The following ZNF587B variants were observed in gnomAD, a reference collection of about 807,000 sequenced individuals.
ZNF587B encodes zinc finger protein 587B.
In ZNF587B, 6 loss-of-function variants were observed where a neutral mutation model predicts 7.2. That is an observed-to-expected ratio of 0.83 (90% CI 0.46 to 1.65). The LOEUF is 1.65. Ranked by LOEUF, ZNF587B falls within the 40% of genes most tolerant of loss-of-function variation. The pLI is 0.01. For synonymous variants in ZNF587B, 274 were observed against 254.3 expected (o/e 1.08, Z -0.74); for missense variants, 749 against 761.0 (o/e 0.98, Z 0.19).
intron 1 of ZNF587B, among the ~76,000 whole-genome samples, chr19:57,831,949 G>A (rs1417010115): frequency 6.6e-6 from 1 of 150,436 alleles, no homozygotes; most frequent in African/African-American, 2.4e-5. Flanking sequence ...CAGGCAATAC[G>A]CTCGCCTCGG....
rs1228541547 is a variant in ZNF587B, at chr19:57,841,405, G to T, written c.731G>T (p.Cys244Phe). The part of the protein sequence containing the change: ...RLLPREECYV[C>F]CECGKSFSKY... ...CTCCCTCGAGAAGAATGTTATGTGTGCTGTGAATGTGGGAAATCCTTTAGC... is the reference window on the plus strand; with the variant it reads ...CTCCCTCGAGAAGAATGTTATGTGTTCTGTGAATGTGGGAAATCCTTTAGC... The change falls in exon 3 of 3, where the codon TGC (cysteine) becomes TTC (phenylalanine). Residue 244 changes from cysteine (C) to phenylalanine (F), a missense_variant. Physicochemically the swap from Cys to Phe is radical, Grantham distance 205. Coordinates refer to ENST00000594901, the MANE Select transcript of ZNF587B (RefSeq NM_001376223.1). The T allele has an allele frequency of 6.3e-7, 1 of 1,585,876 alleles. No individual in the cohort carries two copies.
intron 1 of ZNF587B, among the ~76,000 whole-genome samples, chr19:57,838,080 G>C (rs1988696997): frequency 6.6e-6 from 1 of 151,916 alleles, no homozygotes; most frequent in African/African-American, 2.4e-5. Flanking sequence ...AAGCTGAGGT[G>C]GGTGGATCAC....
rs1988327234 is a variant in ZNF587B, at chr19:57,830,418, T to C, written c.-111T>C. 2.5e-6 allele frequency: 3 copies of C among 1,207,810 alleles called. No homozygotes were observed. The highest frequency in any genetic ancestry group is 3.5e-6 in the Non-Finnish European group (3 of 853,032). 74.8% of individuals were successfully genotyped at this position (1,207,810 alleles called of 1,614,324 possible). On this transcript the variant is annotated 5_prime_UTR_variant, in exon 1 of 3. Coordinates refer to ENST00000594901, the MANE Select transcript of ZNF587B (RefSeq NM_001376223.1). ...CTGCACAGAGGCGACTCTGGAGCTCTGTGACGGCGCCAAGCGTGACCCACC... is the reference window on the plus strand; with the variant it reads ...CTGCACAGAGGCGACTCTGGAGCTCCGTGACGGCGCCAAGCGTGACCCACC...
At chr19:57,836,913 A>G (rs1988630048) in intron 1 of ZNF587B, among the ~76,000 whole-genome samples, 2 of 147,144 alleles carry the variant, frequency 1.4e-5, no homozygotes, top group African/African-American at 2.5e-5. Context: ...CAGTGAGCTG[A>G]GATTGCACCA....
rs139746265 is a variant in ZNF587B at position 57,843,314 on chromosome 19, T to G, written c.*738T>G. On this transcript the variant is annotated 3_prime_UTR_variant, in exon 3 of 3. Coordinates refer to ENST00000594901, the MANE Select transcript of ZNF587B (RefSeq NM_001376223.1). Reference sequence around the variant, plus strand: ...GCCAATTATGTTTTTCTGTGTAACATGGGAGGAGATCCTTTGAGGGCACCA... The same window carrying G: ...GCCAATTATGTTTTTCTGTGTAACAGGGGAGGAGATCCTTTGAGGGCACCA... 293 of 985,388 alleles carry G rather than the reference T, an allele frequency of 3.0e-4. 1 individual carries two copies. The African/African-American group carries it at 3.2e-3, about 11-fold the overall frequency. 61.0% of individuals were successfully genotyped at this position (985,388 alleles called of 1,614,324 possible). A position where few individuals can be genotyped will look rare whatever the true frequency, so the allele number is the denominator to read the frequency against.
intron 2 of ZNF587B, among the ~76,000 whole-genome samples, chr19:57,840,330 A>G (rs1988791700): frequency 6.6e-6 from 1 of 152,028 alleles, no homozygotes; most frequent in South Asian, 2.1e-4. Context: ...TCGTACCCTA[A>G]TATCCATTCT....
rs769882044 is a variant in ZNF587B at position 57,841,256 on chromosome 19, G to A, written c.582G>A (p.Gly194=). ...GLLQQEASHT[G]EKSNSKTECV... ...TCCAGCAGGAGGCCAGTCACACTGG[G>A]GAGAAGTCAAACAGCAAAACTGAGT... Residue 194 remains glycine, a synonymous_variant, in exon 3 of 3, where the codon GGG becomes GGA. Coordinates refer to ENST00000594901, the MANE Select transcript of ZNF587B (RefSeq NM_001376223.1). The A allele has an allele frequency of 4.2e-5, 68 of 1,613,874 alleles. No homozygotes were observed. The highest frequency in any genetic ancestry group is 6.7e-5 in the Admixed American group (4 of 59,974).
chr19:57,840,348 A>C (rs1369312001), intron 2 of ZNF587B, among the ~76,000 whole-genome samples: 1 of 151,962 alleles, frequency 6.6e-6, no homozygotes, highest in African/African-American at 2.4e-5. Context: ...TCTCCTATCT[A>C]ATCTTCACAT....
rs753208879 is a variant in ZNF587B at position 57,830,497 on chromosome 19, C to T, written c.-32C>T. 33 of 1,548,382 alleles carry T rather than the reference C, an allele frequency of 2.1e-5. 1 individual carries two copies. The South Asian group carries it at 2.3e-4, about 11-fold the overall frequency. On this transcript the variant is annotated 5_prime_UTR_variant, in exon 1 of 3. Transcript: ENST00000594901. ...CATATCTCCTGGCTGGTCACCCTCT[C>T]CTCCCAACCCTGCTTTAAACCACGT...
chr19:57,842,516 A>G lies in ZNF587B; in HGVS notation c.1842A>G (p.Lys614=). 1 of 1,558,390 alleles carries G rather than the reference A, an allele frequency of 6.4e-7. No homozygotes were observed. Among genetic ancestry groups the G allele is most frequent in the Non-Finnish European group, 8.6e-7 (1 of 1,159,612 alleles). The change falls in exon 3 of 3, where the codon AAA becomes AAG. Residue 614 remains lysine, a synonymous_variant. Coordinates refer to ENST00000594901, the MANE Select transcript of ZNF587B (RefSeq NM_001376223.1). ...ATGGGTGTAGTGAATGTGAAAAAAA[A>G]TTTAGGAAAAGCTCTTCACTTCGTT... ...KPYGCSECEK[K]FRKSSSLRYH... is the part of the protein sequence containing the mutation.
At chr19:57,839,235 G>T in intron 2 of ZNF587B, 86 bp downstream of exon 2, 1 of 1,567,674 alleles carries the variant, frequency 6.4e-7, no homozygotes, top group South Asian at 1.2e-5. Flanking sequence ...CTCATGTCAG[G>T]AGCATGGACA....
In ZNF587B at chr19:57,841,210, T is replaced by C; in HGVS notation, c.536T>C (p.Phe179Ser). The C allele has an allele frequency of 6.2e-7, 1 of 1,614,062 alleles. No individual in the cohort carries two copies. Among genetic ancestry groups the C allele is most frequent in the Middle Eastern group, 1.6e-4 (1 of 6,062 alleles). ...SSVFSESGKD[F>S]LPRSGLLQQE... ...GTCTTCAGTGAGAGTGGGAAGGACTTTTTGCCCAGGTCAGGATTACTCCAG... is the reference window on the plus strand; with the variant it reads ...GTCTTCAGTGAGAGTGGGAAGGACTCTTTGCCCAGGTCAGGATTACTCCAG... Residue 179 changes from phenylalanine to serine, a missense_variant, in exon 3 of 3, where the codon TTT becomes TCT. By Grantham distance (155) the Phe-to-Ser change is radical. Around this residue, in one of 3 missense-constraint regions of ZNF587B, gnomAD observed 656 missense variants for 596.5 expected, o/e 1.10. Coordinates refer to ENST00000594901, the MANE Select transcript of ZNF587B (RefSeq NM_001376223.1).
intron 2 of ZNF587B, 120 bp downstream of exon 2, chr19:57,839,269 G>A (rs1600107087): frequency 1.3e-6 from 2 of 1,484,564 alleles, no homozygotes; most frequent in Admixed American, 4.6e-5. Context: ...CAGTTCTATG[G>A]GTAGGTTCTT....
At chr19:57,832,242 A>G (rs1218017970) in intron 1 of ZNF587B, among the ~76,000 whole-genome samples, 2 of 151,336 alleles carry the variant, frequency 1.3e-5, no homozygotes, top group South Asian at 2.1e-4. Context: ...ATGCACTACT[A>G]TGCCCGGCTT....
In ZNF587B at chr19:57,841,124, G is replaced by A; in HGVS notation, c.450G>A (p.Gly150=). The stretch of plus-strand genomic sequence containing the variant: ...ACATTGGAGAGAAACCCTACAGAGG[G>A]AGTGTTGAGGAGGCGTTGTTTGTGA... The part of the protein sequence containing the change: ...NEHIGEKPYR[G]SVEEALFVKR... Residue 150 remains glycine, a synonymous_variant, in exon 3 of 3, where the codon GGG becomes GGA. Transcript: ENST00000594901. 1 of 1,614,160 alleles carries A rather than the reference G, an allele frequency of 6.2e-7. No individual in the cohort carries two copies. Among genetic ancestry groups the A allele is most frequent in the Non-Finnish European group, 8.5e-7 (1 of 1,180,046 alleles).
intron 1 of ZNF587B, among the ~76,000 whole-genome samples, chr19:57,836,560 C>G (rs113871567): frequency 6.6e-6 from 1 of 152,078 alleles, no homozygotes; most frequent in South Asian, 2.1e-4. Context: ...CTTGCCTTGT[C>G]GTCCAGGCTG....
Position 57,842,121 on chromosome 19 carries a change from G to A in ZNF587B, c.1447G>A (p.Val483Ile), listed in dbSNP as rs375256421. ...ATTTAAGAAGAAGTCTCACCTCCTT[G>A]TACACCAGAGAATTCACAGTGGAGA... ...KLFKKKSHLL[V>I]HQRIHSGEKP... is the part of the protein sequence containing the mutation. The change falls in exon 3 of 3, where the codon GTA becomes ATA. Residue 483 changes from valine to isoleucine, a missense_variant. Coordinates refer to ENST00000594901, the MANE Select transcript of ZNF587B (RefSeq NM_001376223.1). The A allele has an allele frequency of 1.2e-6, 2 of 1,609,584 alleles. No homozygotes were observed. Among genetic ancestry groups the A allele is most frequent in the Non-Finnish European group, 1.7e-6 (2 of 1,177,636 alleles).
chr19:57,846,206 CT>C lies in ZNF587B; in HGVS notation c.*3631del, dbSNP rs1459243508. 6.6e-6 allele frequency: 1 copy of C among 152,056 alleles called. No homozygotes were observed. Among genetic ancestry groups the C allele is most frequent in the Non-Finnish European group, 1.5e-5 (1 of 68,014 alleles). 9.4% of individuals were successfully genotyped at this position (152,056 alleles called of 1,614,324 possible). A position where few individuals can be genotyped will look rare whatever the true frequency, so the allele number is the denominator to read the frequency against. The stretch of plus-strand genomic sequence containing the variant: ...AGTACTTTCCATTTTCTGGAATTTT[CT>C]GACTGATGTAATAAAGTGTTTCCTC... On this transcript the variant is annotated 3_prime_UTR_variant, in exon 3 of 3. Coordinates refer to ENST00000594901, the MANE Select transcript of ZNF587B (RefSeq NM_001376223.1).
intron 1 of ZNF587B, 86 bp from the exon 2 acceptor site, chr19:57,838,937 G>A: frequency 6.8e-7 from 1 of 1,467,266 alleles, no homozygotes. Flanking sequence ...AGAGGAGGAT[G>A]TGCGAGAGTA....
Sources: gnomAD v4.1 joint callset for allele counts (sites outside exome capture counted in the v4.1 genomes callset) on GRCh38, gnomAD v4.1.1 for gene constraint, gnomAD v4.1.1 regional missense constraint, MANE v1.5 for transcripts, NCBI Gene and HGNC (gene_info 2026-07-23, HGNC 2026-07-21) for gene names.